The following DENND1A variants were observed in gnomAD, a reference collection of about 807,000 sequenced individuals.
The protein encoded by DENND1A is DENN domain containing 1A.
DENND1A carries 51 observed loss-of-function variants against 113.7 expected under a neutral mutation model. The ratio of observed to expected loss-of-function variants is 0.45; its 90% confidence interval spans 0.36 to 0.57. The LOEUF is 0.57. DENND1A is among the 20% of genes least tolerant of loss of function. DENND1A has a pLI of 0.00. For synonymous variants in DENND1A, 565 were observed against 570.8 expected, an observed-to-expected ratio of 0.99 and a Z score of 0.14; for missense variants, 1,258 against 1,395.9, an observed-to-expected ratio of 0.90 and a Z score of 1.57.
chr9:123,734,937 G>A (rs1027611527), intron 5 of DENND1A, among the ~76,000 whole-genome samples: 3 of 152,094 alleles, frequency 2.0e-5, no homozygotes, highest in East Asian at 1.9e-4. Context: ...AGCATCATAC[G>A]TTATGATTTG....
At chr9:123,685,278 C>A (rs547309551) in intron 5 of DENND1A, among the ~76,000 whole-genome samples, 1 of 152,322 alleles carries the variant, frequency 6.6e-6, no homozygotes, top group East Asian at 1.9e-4. Flanking sequence ...AGCTCTAAGC[C>A]AGTCTCACCC....
intron 13 of DENND1A, among the ~76,000 whole-genome samples, chr9:123,526,565 C>T (rs973981245): frequency 1.3e-5 from 2 of 152,218 alleles, no homozygotes; most frequent in African/African-American, 4.8e-5. Context: ...TGGACTCTAC[C>T]TCCGCCACCT....
intron 21 of DENND1A, among the ~76,000 whole-genome samples, chr9:123,392,594 T>C (rs766861404): frequency 1.2e-4 from 18 of 152,162 alleles, no homozygotes; most frequent in Non-Finnish European, 1.6e-4. Context: ...AACCATCCAC[T>C]ACCCTCCCCT....
intron 2 of DENND1A, among the ~76,000 whole-genome samples, chr9:123,845,672 A>AAAAAAAAAAAAAAC: frequency 9.7e-6 from 1 of 103,014 alleles, no homozygotes; most frequent in Non-Finnish European, 1.9e-5. Flanking sequence ...CCTGTCTCCA[A>AAAAAAAAAAAAAAC]AAAAAAAAAA....
chr9:123,792,787 G>A lies in DENND1A; in HGVS notation c.89-157C>T, dbSNP rs545151841. 1.6e-4 allele frequency among the ~76,000 whole-genome samples: 25 copies of A among 152,194 alleles called. No homozygotes were observed. The East Asian group carries it at 2.7e-3, about 16-fold the overall frequency. On this transcript the variant is annotated intron_variant, in intron 2 of 23. Transcript: ENST00000394215. ...TGTTGATGAGCACAAGGAAGGACTC[G>A]GCAAGGCACTCCCATTACCCTCCTC...
intron 12 of DENND1A, among the ~76,000 whole-genome samples, chr9:123,577,835 C>T (rs933554873): frequency 6.6e-6 from 1 of 152,160 alleles, no homozygotes; most frequent in Non-Finnish European, 1.5e-5. Flanking sequence ...TTGTGCCTCT[C>T]AAAGCTTAAT....
intron 5 of DENND1A, among the ~76,000 whole-genome samples, chr9:123,678,932 G>A (rs1165593032): frequency 6.6e-6 from 1 of 152,144 alleles, no homozygotes; most frequent in Admixed American, 6.5e-5. Flanking sequence ...AACCTCGGCC[G>A]AGTTAAAAGC....
chr9:123,524,485 T>C (rs1448009683), intron 13 of DENND1A, among the ~76,000 whole-genome samples: 3 of 151,856 alleles, frequency 2.0e-5, no homozygotes, highest in Non-Finnish European at 4.4e-5. Flanking sequence ...CAACAGTGAG[T>C]GGTGGCCAAC....
At chr9:123,573,125 G>A (rs1377241656) in intron 12 of DENND1A, among the ~76,000 whole-genome samples, 2 of 151,776 alleles carry the variant, frequency 1.3e-5, no homozygotes, top group Non-Finnish European at 2.9e-5. Flanking sequence ...TCTAATTCTG[G>A]ACTCTTAATT....
intron 2 of DENND1A, among the ~76,000 whole-genome samples, chr9:123,818,943 A>T (rs1470721875): frequency 6.6e-6 from 1 of 152,238 alleles, no homozygotes; most frequent in Non-Finnish European, 1.5e-5. Flanking sequence ...AAGTCATATC[A>T]TAGAACAGAA....
chr9:123,670,953 C>T (rs796656936), intron 7 of DENND1A, among the ~76,000 whole-genome samples: 82 of 152,158 alleles, frequency 5.4e-4, no homozygotes, highest in African/African-American at 1.8e-3. Flanking sequence ...TGCTGGGGGA[C>T]GAGGGTGATA....
intron 19 of DENND1A, among the ~76,000 whole-genome samples, chr9:123,438,093 G>C (rs1389052425): frequency 6.6e-6 from 1 of 152,130 alleles, no homozygotes; most frequent in Non-Finnish European, 1.5e-5. Context: ...CTTCTGAAAT[G>C]AAACTCAAGA....
intron 13 of DENND1A, among the ~76,000 whole-genome samples, chr9:123,498,798 T>C (rs1000799342): frequency 4.6e-5 from 7 of 151,820 alleles, no homozygotes; most frequent in Non-Finnish European, 1.0e-4. Flanking sequence ...TCTCGGCTCA[T>C]TGCAATCTCC....
chr9:123,848,703 A>T (rs10818883), intron 2 of DENND1A, among the ~76,000 whole-genome samples: 1 of 152,088 alleles, frequency 6.6e-6, no homozygotes, highest in Non-Finnish European at 1.5e-5. Context: ...GCTCAAAGTT[A>T]GTCTTCTTGT....
chr9:123,444,391 G>A (rs986212415), intron 18 of DENND1A, among the ~76,000 whole-genome samples: 9 of 152,140 alleles, frequency 5.9e-5, no homozygotes, highest in Non-Finnish European at 1.0e-4. Flanking sequence ...TGTGGGCCTG[G>A]TGCAGTAATC....
chr9:123,641,613 G>A (rs1397137530), intron 9 of DENND1A, among the ~76,000 whole-genome samples: 2 of 152,114 alleles, frequency 1.3e-5, no homozygotes, highest in African/African-American at 4.8e-5. Flanking sequence ...AGAGAATATG[G>A]AAACAAAGAG....
intron 2 of DENND1A, among the ~76,000 whole-genome samples, chr9:123,796,405 TCTC>T (rs1417609115): frequency 6.6e-6 from 1 of 152,144 alleles, no homozygotes; most frequent in Non-Finnish European, 1.5e-5. Flanking sequence ...AAAAAACTGA[TCTC>T]CTAAACAAAC....
chr9:123,758,708 T>C (rs1269739999), intron 4 of DENND1A, among the ~76,000 whole-genome samples: 1 of 152,204 alleles, frequency 6.6e-6, no homozygotes, highest in African/African-American at 2.4e-5. Context: ...AATATATCAA[T>C]ACAAAAATTT....
chr9:123,561,814 A>G (rs2057775343), intron 12 of DENND1A, among the ~76,000 whole-genome samples: 1 of 152,098 alleles, frequency 6.6e-6, no homozygotes, highest in Admixed American at 6.5e-5. Context: ...CCGCAGCATC[A>G]TCCGGCCAGT....
Sources: allele counts gnomAD v4.1 joint callset (sites outside exome capture counted in the v4.1 genomes callset), GRCh38; gene constraint gnomAD v4.1.1; transcripts MANE v1.5; gene names NCBI Gene and HGNC (gene_info 2026-07-23, HGNC 2026-07-21).